HDAC9: variants seen among roughly 807,000 people sequenced by gnomAD.
The protein encoded by HDAC9 is MEF-2 interacting transcription repressor (MITR) protein.
HDAC9 carries 41 observed loss-of-function variants against 139.4 expected under a neutral mutation model. The ratio of observed to expected loss-of-function variants is 0.29; its 90% confidence interval spans 0.23 to 0.38. HDAC9 has a LOEUF of 0.38. Ranked by LOEUF, HDAC9 falls within the 10% of genes least tolerant of loss-of-function variation. The pLI, the probability that HDAC9 is intolerant of heterozygous loss-of-function variation, is 1.00. For synonymous variants in HDAC9, 517 were observed against 476.2 expected, an observed-to-expected ratio of 1.09 and a Z score of -1.12; for missense variants, 1,147 against 1,297.0, an observed-to-expected ratio of 0.88 and a Z score of 1.78.
At chr7:18,762,368 G>A in intron 15 of HDAC9, 91 bp downstream of exon 15, 1 of 1,448,136 alleles carries the variant, frequency 6.9e-7, no homozygotes, top group Non-Finnish European at 9.4e-7. Flanking sequence ...TTGGCAAGTA[G>A]TGCAACAAAA....
intron 6 of HDAC9, among the ~76,000 whole-genome samples, chr7:18,596,422 T>C (rs2023651): frequency 0.67 from 101,792 of 151,944 alleles, 36,245 homozygotes; most frequent in Non-Finnish European, 0.8. Context: ...TTGGTGTATT[T>C]CCAATTCCAT....
chr7:18,825,559 A>G (rs1795359339), intron 17 of HDAC9, among the ~76,000 whole-genome samples: 2 of 152,012 alleles, frequency 1.3e-5, no homozygotes, highest in Non-Finnish European at 1.5e-5. Context: ...TGGAGGAGAA[A>G]TTAGAGGTTG....
chr7:18,382,725 A>G (rs979308922), intron 1 of HDAC9, among the ~76,000 whole-genome samples: 2 of 152,242 alleles, frequency 1.3e-5, no homozygotes, highest in African/African-American at 2.4e-5. Context: ...AGGAATAGTA[A>G]GCTGAGGATG....
intron 11 of HDAC9, among the ~76,000 whole-genome samples, chr7:18,654,771 C>T (rs540412077): frequency 1.4e-4 from 22 of 152,230 alleles, no homozygotes; most frequent in South Asian, 1.0e-3. Flanking sequence ...AGATTTGCCA[C>T]GATGAAGAAA....
intron 2 of HDAC9, among the ~76,000 whole-genome samples, chr7:18,500,717 C>A (rs1021020194): frequency 6.6e-6 from 1 of 152,088 alleles, no homozygotes; most frequent in Non-Finnish European, 1.5e-5. Flanking sequence ...TTTGGAATGA[C>A]GTACCTTTCA....
intron 2 of HDAC9, among the ~76,000 whole-genome samples, chr7:18,257,399 T>A (rs1438640240): frequency 5.1e-5 from 6 of 118,700 alleles, no homozygotes; most frequent in African/African-American, 2.3e-4. Flanking sequence ...TCTCTGTCTC[T>A]CCCACACACA....
chr7:18,817,798 G>A (rs1260653720), intron 17 of HDAC9, among the ~76,000 whole-genome samples: 1 of 152,092 alleles, frequency 6.6e-6, no homozygotes, highest in Non-Finnish European at 1.5e-5. Context: ...GCAGGTTCTG[G>A]CTGCTTTCAA....
chr7:18,333,669 T>G (rs1038796113), intron 1 of HDAC9, among the ~76,000 whole-genome samples: 5 of 151,418 alleles, frequency 3.3e-5, no homozygotes, highest in African/African-American at 1.2e-4. Context: ...TTAAATAATT[T>G]CACTATGAAA....
At chr7:18,194,205 G>A (rs1790572131) in intron 2 of HDAC9, among the ~76,000 whole-genome samples, 1 of 152,072 alleles carries the variant, frequency 6.6e-6, no homozygotes, top group Admixed American at 6.5e-5. Context: ...ATATTTTGTA[G>A]TCATTTCTAC....
In HDAC9 at chr7:18,946,055, A is replaced by T. The variant is rs1353783292; in HGVS notation, c.2938-8091A>T. 4.1e-3 allele frequency among the ~76,000 whole-genome samples: 583 copies of T among 142,328 alleles called. 11 individuals are homozygous for T. The highest frequency in any genetic ancestry group is 0.016 in the African/African-American group (559 of 35,932). The allele number at this position is 142,328 out of a possible 152,430, so 93.4% of individuals were successfully genotyped here. ...CCGTCTCAAAAAAAAAAAAAAAAAA[A>T]AAAAAAAAAAAAAAAAAAAGACCAT... On this transcript the variant is annotated intron_variant, in intron 23 of 25. Coordinates refer to ENST00000686413, the MANE Select transcript of HDAC9 (RefSeq NM_178425.4).
At chr7:18,353,564 C>T (rs1185939867) in intron 1 of HDAC9, among the ~76,000 whole-genome samples, 1 of 152,140 alleles carries the variant, frequency 6.6e-6, no homozygotes, top group African/African-American at 2.4e-5. Flanking sequence ...CTGTGGCAAC[C>T]TTTTTATTCC....
intron 17 of HDAC9, among the ~76,000 whole-genome samples, chr7:18,811,819 A>T (rs573788569): frequency 2.0e-5 from 3 of 150,992 alleles, no homozygotes; most frequent in Non-Finnish European, 3.0e-5. Flanking sequence ...TGTGTGTGTG[A>T]GAGAGAGAGG....
At chr7:18,567,627 T>A (rs1822808261) in intron 2 of HDAC9, among the ~76,000 whole-genome samples, 1 of 152,142 alleles carries the variant, frequency 6.6e-6, no homozygotes, top group Non-Finnish European at 1.5e-5. Flanking sequence ...TCCTATGATT[T>A]TGGGTTATAT....
At chr7:18,176,658 T>A (rs1025033218) in intron 2 of HDAC9, among the ~76,000 whole-genome samples, 21 of 152,192 alleles carry the variant, frequency 1.4e-4, no homozygotes, top group Admixed American at 3.9e-4. Flanking sequence ...TTTTAAAAAA[T>A]TTATTTTCAG....
intron 2 of HDAC9, among the ~76,000 whole-genome samples, chr7:18,267,975 C>T (rs940648293): frequency 3.3e-5 from 5 of 152,206 alleles, no homozygotes; most frequent in African/African-American, 4.8e-5. Flanking sequence ...TCCAATTTTA[C>T]TCTTTCTTTA....
At chr7:18,879,287 T>C (rs1014947543) in intron 22 of HDAC9, among the ~76,000 whole-genome samples, 2 of 152,154 alleles carry the variant, frequency 1.3e-5, no homozygotes, top group African/African-American at 4.8e-5. Context: ...AATGACATTC[T>C]TCACAGAACT....
At chr7:18,333,191 CAG>C (rs1017236422) in intron 1 of HDAC9, among the ~76,000 whole-genome samples, 1 of 151,328 alleles carries the variant, frequency 6.6e-6, no homozygotes, top group African/African-American at 2.4e-5. Flanking sequence ...AGTTTTTAAA[CAG>C]AGCTCAACTA....
At chr7:18,361,079 G>C (rs1052491609) in intron 1 of HDAC9, among the ~76,000 whole-genome samples, 15 of 152,094 alleles carry the variant, frequency 9.9e-5, no homozygotes, top group African/African-American at 3.6e-4. Flanking sequence ...TTATAAGAAA[G>C]TGCTTTAGCT....
At chr7:18,936,661 A>G (rs1384097472) in intron 23 of HDAC9, among the ~76,000 whole-genome samples, 2 of 152,208 alleles carry the variant, frequency 1.3e-5, no homozygotes, top group Non-Finnish European at 2.9e-5. Flanking sequence ...TTATCCATTA[A>G]TCTATTTTCT....
Sources: allele counts gnomAD v4.1 joint callset (sites outside exome capture counted in the v4.1 genomes callset), GRCh38; gene constraint gnomAD v4.1.1; transcripts MANE v1.5; gene names NCBI Gene and HGNC (gene_info 2026-07-23, HGNC 2026-07-21).